The following UBE4B variants were observed in gnomAD, a reference collection of about 807,000 sequenced individuals.
UBE4B encodes the protein ubiquitination factor E4B, also known as ubiquitin conjugation factor E4 B.
In UBE4B, 27 loss-of-function variants were observed where a neutral mutation model predicts 148.1. The ratio of observed to expected loss-of-function variants is 0.18; its 90% CI spans 0.13 to 0.25. The LOEUF is 0.25. Ranked by LOEUF, UBE4B falls within the 10% of genes least tolerant of loss-of-function variation. The pLI is 1.00. For synonymous variants in UBE4B, 596 were observed against 619.3 expected (o/e 0.96, Z 0.56); for missense variants, 1,170 against 1,662.4 (o/e 0.70, Z 5.15).
Position 10,168,098 on chromosome 1 carries a change from G to A in UBE4B, c.3199-38G>A. 1 of 1,596,786 alleles carries A rather than the reference G, an allele frequency of 6.3e-7. No homozygotes were observed. The highest frequency in any genetic ancestry group is 8.6e-7 in the Non-Finnish European group (1 of 1,168,898). ...GGCGCTTTGCTGAGCTGATGACCAG[G>A]ACCGAGCCTTACTCAGCGTCTGTTC... On this transcript the variant is annotated intron_variant, in intron 23 of 27. Transcript: ENST00000343090. The surrounding 1 kb of genome is among the most constrained non-coding windows in gnomAD (Gnocchi z 4.9).
intron 17 of UBE4B, among the ~76,000 whole-genome samples, chr1:10,139,209 A>T (rs533854989): frequency 6.6e-6 from 1 of 152,310 alleles, no homozygotes; most frequent in East Asian, 1.9e-4. Flanking sequence ...TAGCCTGGCC[A>T]ACATAGTGAA....
At chr1:10,081,422 T>C (rs995569121) in intron 2 of UBE4B, among the ~76,000 whole-genome samples, 1 of 151,842 alleles carries the variant, frequency 6.6e-6, no homozygotes, top group Admixed American at 6.6e-5. Flanking sequence ...CCTATTATAA[T>C]TGGTTTTTTT....
In UBE4B at chr1:10,126,871, C is replaced by T. The variant is rs142096652; in HGVS notation, c.1632C>T (p.Pro544=). The change falls in exon 11 of 28, where the codon CCC becomes CCT. Residue 544 remains proline (P), a synonymous_variant. Coordinates refer to ENST00000343090, the MANE Select transcript of UBE4B (RefSeq NM_001105562.3). The part of the protein sequence containing the change: ...CSLDSDYFKY[P]LMALGELCET... ...TCGACAGTGACTACTTTAAATACCC[C>T]CTCATGGTAAAACTTTGTTCTTTTT... is the stretch of plus-strand genomic sequence containing the variant. 1.2e-5 allele frequency: 19 copies of T among 1,613,352 alleles called. No homozygotes were observed. The highest frequency in any genetic ancestry group is 3.3e-5 in the Admixed American group (2 of 59,978).
chr1:10,091,989 T>C (rs770547824), intron 2 of UBE4B, among the ~76,000 whole-genome samples: 1 of 151,934 alleles, frequency 6.6e-6, no homozygotes, highest in Non-Finnish European at 1.5e-5. Context: ...CCTCAAGTGA[T>C]CCTCTCTCCT....
intron 17 of UBE4B, 86 bp from the exon 18 acceptor site, chr1:10,144,854 T>C: frequency 1.1e-6 from 1 of 888,606 alleles, no homozygotes; most frequent in Non-Finnish European, 1.8e-6. Context: ...AACAACTGCG[T>C]GTGAGAGTCA....
chr1:10,135,755 A>T (rs1477373396), intron 16 of UBE4B, among the ~76,000 whole-genome samples: 3 of 147,274 alleles, frequency 2.0e-5, no homozygotes, highest in Admixed American at 6.8e-5. Flanking sequence ...AAAAAAACAG[A>T]TACAAATTGA....
intron 1 of UBE4B, among the ~76,000 whole-genome samples, chr1:10,064,184 C>T (rs550899431): frequency 5.0e-4 from 76 of 152,248 alleles, no homozygotes; most frequent in African/African-American, 1.4e-3. Context: ...TCTGCCTAAC[C>T]CCTACCTGTC....
chr1:10,088,388 T>C (rs550983486), intron 2 of UBE4B, among the ~76,000 whole-genome samples: 92 of 152,006 alleles, frequency 6.1e-4, no homozygotes, highest in African/African-American at 2.1e-3. Context: ...AAATTTATTT[T>C]ATTTTTTTTT....
chr1:10,074,552 C>T (rs999879247), intron 2 of UBE4B, among the ~76,000 whole-genome samples: 3 of 152,234 alleles, frequency 2.0e-5, no homozygotes, highest in African/African-American at 7.2e-5. Context: ...TGCAGTCAGG[C>T]GAGGGTTCCC....
intron 18 of UBE4B, among the ~76,000 whole-genome samples, chr1:10,146,355 G>A (rs540898234): frequency 9.8e-5 from 15 of 152,314 alleles, no homozygotes; most frequent in African/African-American, 3.6e-4. Flanking sequence ...GGGAGACTGA[G>A]GCAGGAGAAT....
chr1:10,146,903 C>A (rs1645882078), intron 18 of UBE4B, 60 bp from the exon 19 acceptor site: 3 of 1,589,346 alleles, frequency 1.9e-6, no homozygotes, highest in Non-Finnish European at 2.6e-6. Flanking sequence ...CCTGCCCAGT[C>A]CCCCTGTAGG....
intron 23 of UBE4B, among the ~76,000 whole-genome samples, chr1:10,164,704 C>T (rs574792217): frequency 6.6e-6 from 1 of 152,160 alleles, no homozygotes; most frequent in Non-Finnish European, 1.5e-5. Flanking sequence ...GCTTTGAAGT[C>T]ACTTTCTACC....
At chr1:10,075,498 G>A (rs1402552603) in intron 2 of UBE4B, among the ~76,000 whole-genome samples, 1 of 152,212 alleles carries the variant, frequency 6.6e-6, no homozygotes, top group African/African-American at 2.4e-5. Context: ...AAGCATAAGT[G>A]CAACACTGTG....
At chr1:10,165,612 C>A (rs901937213) in intron 23 of UBE4B, among the ~76,000 whole-genome samples, 4 of 152,142 alleles carry the variant, frequency 2.6e-5, no homozygotes, top group African/African-American at 9.7e-5. Flanking sequence ...TGGACAGTCT[C>A]TTCTCCACTC....
chr1:10,056,942 T>C (rs1029968771), intron 1 of UBE4B, among the ~76,000 whole-genome samples: 4 of 151,782 alleles, frequency 2.6e-5, no homozygotes, highest in Non-Finnish European at 4.4e-5. Context: ...GCCTCCTGAG[T>C]AGCTGGGACT....
chr1:10,067,147 C>G (rs1644400629), intron 1 of UBE4B, among the ~76,000 whole-genome samples: 1 of 152,150 alleles, frequency 6.6e-6, no homozygotes, highest in South Asian at 2.1e-4. Context: ...TAGCTTCTGC[C>G]TGCAATCACA....
chr1:10,163,686 TAAAGAG>T (rs1646203512), intron 23 of UBE4B, among the ~76,000 whole-genome samples: 1 of 151,828 alleles, frequency 6.6e-6, no homozygotes, highest in Non-Finnish European at 1.5e-5. Context: ...AAATAAATAT[TAAAGAG>T]AGAGAGTCTT....
At chr1:10,037,433 G>C (rs1034190329) in intron 1 of UBE4B, among the ~76,000 whole-genome samples, 30 of 152,118 alleles carry the variant, frequency 2.0e-4, no homozygotes, top group African/African-American at 7.2e-4. Flanking sequence ...TAGGTTCATT[G>C]CAGAACCATG....
chr1:10,057,530 C>T (rs1471385693), intron 1 of UBE4B, among the ~76,000 whole-genome samples: 3 of 150,428 alleles, frequency 2.0e-5, no homozygotes, highest in South Asian at 4.2e-4. Flanking sequence ...GCTTCTCCTG[C>T]CTGAGCCTCC....
Sources: allele counts gnomAD v4.1 joint callset (sites outside exome capture counted in the v4.1 genomes callset), GRCh38; gene constraint gnomAD v4.1.1; non-coding constraint Gnocchi (gnomAD v3.1); transcripts MANE v1.5; gene names NCBI Gene and HGNC (gene_info 2026-07-23, HGNC 2026-07-21).